Variants in RELN observed in about 807,000 individuals in gnomAD.
RELN encodes the protein reelin.
Under a neutral mutation model 427.6 loss-of-function variants are expected in RELN, and 108 were observed. The ratio of observed to expected loss-of-function variants is 0.25; its 90% confidence interval spans 0.22 to 0.30. RELN has a LOEUF of 0.30. RELN is among the 10% of genes least tolerant of loss of function. RELN has a pLI of 1.00. For synonymous variants in RELN, 1,524 were observed against 1,513.4 expected (o/e 1.01, Z -0.16); for missense variants, 3,715 against 4,302.8 (o/e 0.86, Z 3.82).
intron 22 of RELN, among the ~76,000 whole-genome samples, chr7:103,608,592 C>G (rs1831873604): frequency 6.6e-6 from 1 of 152,048 alleles, no homozygotes; most frequent in African/African-American, 2.4e-5. Context: ...CACATTGAGG[C>G]TCATCAAGTT....
chr7:103,640,663 C>A lies in RELN; in HGVS notation c.2003-54G>T. On this transcript the variant is annotated intron_variant, in intron 16 of 64. Coordinates refer to ENST00000428762, the MANE Select transcript of RELN (RefSeq NM_005045.4). The surrounding 1 kb of genome is among the most constrained non-coding windows in gnomAD (Gnocchi z 4.1). ...ACAAAAACATAGAACACTACCAGTA[C>A]AATTTTGTGAAGTAATACTCATGAA... The A allele has an allele frequency of 6.3e-7, 1 of 1,577,388 alleles. No homozygotes were observed. The highest frequency in any genetic ancestry group is 1.1e-5 in the South Asian group (1 of 89,290).
In RELN at chr7:103,553,668, C is replaced by A. The variant is rs143948239; in HGVS notation, c.5961G>T (p.Lys1987Asn). 9.8e-5 allele frequency: 158 copies of A among 1,614,048 alleles called. No homozygotes were observed. The African/African-American group carries it at 1.9e-3, about 19-fold the overall frequency. Residue 1987 changes from lysine (K) to asparagine (N), a missense_variant, in exon 39 of 65, where the codon AAG (lysine) becomes AAT (asparagine). Around this residue, in one of 4 missense-constraint regions of RELN, gnomAD observed 1,310 missense variants for 1,643.0 expected, o/e 0.80. Coordinates refer to ENST00000428762, the MANE Select transcript of RELN (RefSeq NM_005045.4). Reference protein sequence around the residue: ...NIGLYCPYSSKGAPEEDSAMV... With the variant: ...NIGLYCPYSSNGAPEEDSAMV... The stretch of plus-strand genomic sequence containing the variant: ...AGATTCTTAATACTTACGGTGCCCC[C>A]TTTGAAGAATATGGACAATAAAGAC...
At chr7:103,874,309 T>C (rs264363) in intron 2 of RELN, among the ~76,000 whole-genome samples, 96,804 of 118,494 alleles carry the variant, frequency 0.82, 41,445 homozygotes, top group African/African-American at 0.96. Flanking sequence ...GACAGGGATG[T>C]CCTCTCTCAC....
At chr7:103,912,366 A>T (rs1031108990) in intron 2 of RELN, among the ~76,000 whole-genome samples, 1 of 151,950 alleles carries the variant, frequency 6.6e-6, no homozygotes, top group Non-Finnish European at 1.5e-5. Context: ...TTGTATTTTT[A>T]GTAGAGATGG....
At chr7:103,556,443 A>G (rs1190447459) in intron 38 of RELN, among the ~76,000 whole-genome samples, 2 of 151,742 alleles carry the variant, frequency 1.3e-5, no homozygotes, top group Non-Finnish European at 2.9e-5. Context: ...ATATATATAT[A>G]TATGTTAAAT....
rs76549437 is a variant in RELN at position 103,894,468 on chromosome 7, T to TA, written c.337+22606dup. Among the ~76,000 whole-genome samples the TA allele has an allele frequency of 5.6e-3, 849 of 152,250 alleles. 26 individuals carry two copies. The East Asian group carries it at 0.072, about 13-fold the overall frequency. On this transcript the variant is annotated intron_variant, in intron 2 of 64. Transcript: ENST00000428762. ...GTACCCACGCCTTCATTAGTCTAAATAAAAAGTTGAAAGCAGATTTAAAAG... is the reference window on the plus strand; with the variant it reads ...GTACCCACGCCTTCATTAGTCTAAATAAAAAAGTTGAAAGCAGATTTAAAAG...
intron 8 of RELN, among the ~76,000 whole-genome samples, chr7:103,703,583 A>G (rs1186689025): frequency 1.3e-5 from 2 of 152,192 alleles, no homozygotes; most frequent in African/African-American, 4.8e-5. Flanking sequence ...TGTAACAGGC[A>G]CTTCTTTACT....
chr7:103,597,034 T>C (rs1474904902), intron 24 of RELN, among the ~76,000 whole-genome samples: 1 of 152,242 alleles, frequency 6.6e-6, no homozygotes, highest in Non-Finnish European at 1.5e-5. Context: ...TTGAAATCTG[T>C]TGGAGCTGGG....
intron 10 of RELN, among the ~76,000 whole-genome samples, chr7:103,694,364 T>C (rs182603718): frequency 3.2e-4 from 48 of 152,194 alleles, no homozygotes; most frequent in Middle Eastern, 3.4e-3. Context: ...GAGAGATGTA[T>C]TTTGGACAAG....
intron 21 of RELN, 116 bp from the exon 22 acceptor site, chr7:103,610,923 A>C: frequency 9.8e-6 from 7 of 713,354 alleles, no homozygotes. Context: ...CATAATCTTA[A>C]CTATTTGTGA....
rs1194146482 is a variant in RELN at position 103,626,352 on chromosome 7, A to G, written c.2702+3588T>C. Among the ~76,000 whole-genome samples the G allele has an allele frequency of 1.3e-5, 2 of 152,012 alleles. No homozygotes were observed. The highest frequency in any genetic ancestry group is 6.6e-5 in the Admixed American group (1 of 15,258). ...AACAACTATTCTCTCTCAATTGTAC[A>G]CTTATATATTTATTTAGAGACAGAG... On this transcript the variant is annotated intron_variant, in intron 20 of 64. Transcript: ENST00000428762. This position sits in a 1 kb window ranked among gnomAD's most constrained non-coding sequence, Gnocchi z 4.4.
intron 2 of RELN, among the ~76,000 whole-genome samples, chr7:103,863,198 A>G (rs910372159): frequency 6.6e-6 from 1 of 152,200 alleles, no homozygotes; most frequent in Non-Finnish European, 1.5e-5. Flanking sequence ...GAAGGTGTCA[A>G]GATGCTTATG....
intron 11 of RELN, among the ~76,000 whole-genome samples, chr7:103,679,338 G>T (rs193230459): frequency 5.3e-5 from 8 of 152,180 alleles, no homozygotes; most frequent in African/African-American, 1.9e-4. Flanking sequence ...GTAGCCTGAC[G>T]TCCTGGCCAA....
intron 11 of RELN, among the ~76,000 whole-genome samples, chr7:103,664,854 A>G (rs1177869628): frequency 6.6e-6 from 1 of 151,862 alleles, no homozygotes; most frequent in Non-Finnish European, 1.5e-5. Context: ...TGAATTCTTT[A>G]TATATTCCAG....
At chr7:103,594,226 C>T in intron 26 of RELN, 95 bp downstream of exon 26, 7 of 1,189,210 alleles carry the variant, frequency 5.9e-6, no homozygotes, top group Non-Finnish European at 8.8e-6. Flanking sequence ...ATTATACATT[C>T]AGTGTCAAGC....
chr7:103,679,085 AATT>A (rs757613180), intron 11 of RELN, among the ~76,000 whole-genome samples: 1 of 152,216 alleles, frequency 6.6e-6, no homozygotes, highest in Non-Finnish European at 1.5e-5. Context: ...TGTGACTAAA[AATT>A]ATTATATCAG....
intron 6 of RELN, among the ~76,000 whole-genome samples, chr7:103,736,144 T>C (rs951147398): frequency 3.9e-5 from 6 of 152,200 alleles, no homozygotes; most frequent in Non-Finnish European, 8.8e-5. Context: ...GGCCATTTGG[T>C]AGCTGGGCTG....
At chr7:103,960,854 G>A (rs1182023761) in intron 1 of RELN, among the ~76,000 whole-genome samples, 1 of 152,188 alleles carries the variant, frequency 6.6e-6, no homozygotes, top group Non-Finnish European at 1.5e-5. Context: ...CAAAGCCAAT[G>A]TAATCAATAA....
intron 11 of RELN, among the ~76,000 whole-genome samples, 198 bp downstream of exon 11, chr7:103,681,918 A>T (rs1466804831): frequency 6.6e-6 from 1 of 152,216 alleles, no homozygotes; most frequent in Non-Finnish European, 1.5e-5. Flanking sequence ...GCAATCACAA[A>T]TTTTTAATAT....
Sources: gnomAD v4.1 joint callset for allele counts (sites outside exome capture counted in the v4.1 genomes callset) on GRCh38, gnomAD v4.1.1 for gene constraint, gnomAD v4.1.1 regional missense constraint, Gnocchi (gnomAD v3.1) non-coding constraint, MANE v1.5 for transcripts, NCBI Gene and HGNC (gene_info 2026-07-23, HGNC 2026-07-21) for gene names.